Variants in MAU2 observed in about 807,000 individuals in gnomAD.
MAU2 encodes the protein MAU2 chromatid cohesion factor homolog.
MAU2 carries 9 observed loss-of-function variants against 89.1 expected under a neutral mutation model. The observed-to-expected ratio is 0.10, with a 90% CI of 0.06 to 0.18. The LOEUF (loss-of-function observed/expected upper bound fraction) is 0.18. MAU2 is among the 10% of genes least tolerant of loss of function. The pLI, the probability that MAU2 is intolerant of heterozygous loss-of-function variation, is 1.00. For synonymous variants in MAU2, 357 were observed against 343.4 expected (o/e 1.04, Z -0.44); for missense variants, 425 against 803.5 (o/e 0.53, Z 5.69).
At position 19,345,453 on chromosome 19, in the gene MAU2, G is replaced by A. The variant is rs781422615; in HGVS notation, c.1221+84G>A. ...GGCGTGGTCTGTGATGAGGACAGCA[G>A]TCGCGCTAGGTCAGCTATGCAAAGC... On this transcript the variant is annotated intron_variant, in intron 12 of 18. Transcript: ENST00000262815. The surrounding 1 kb of genome is among the most constrained non-coding windows in gnomAD (Gnocchi z 4.9). 13 of 1,319,580 alleles carry A rather than the reference G, an allele frequency of 9.9e-6. No homozygotes were observed. The highest frequency in any genetic ancestry group is 1.4e-5 in the Non-Finnish European group (13 of 924,590). The allele number at this position is 1,319,580 out of a possible 1,614,324, so 81.7% of individuals were successfully genotyped here.
chr19:19,348,640 T>G, intron 13 of MAU2: 1 of 616,996 alleles, frequency 1.6e-6, no homozygotes, highest in South Asian at 1.9e-5. Flanking sequence ...TACAAAGGCC[T>G]TCTGGACGCC....
rs1453154239 is a variant in MAU2 at position 19,342,597 on chromosome 19, G to A, written c.798G>A (p.Leu266=). 2 of 1,612,806 alleles carry A rather than the reference G, an allele frequency of 1.2e-6. No homozygotes were observed. The highest frequency in any genetic ancestry group is 2.7e-5 in the African/African-American group (2 of 74,912). Residue 266 remains leucine (L), a synonymous_variant, in exon 8 of 19, where the codon CTG becomes CTA. Coordinates refer to ENST00000262815, the MANE Select transcript of MAU2 (RefSeq NM_015329.4). ...AGTGCATCCAGACCATCTCCACACT[G>A]CACGATGATGAGATCCTGCCCAGCA... ...LQQCIQTIST[L]HDDEILPSNP...
Position 19,354,039 on chromosome 19 carries a change from T to C in MAU2, c.1549-316T>C. ...ATCTGCATTTCTGATCAGCCCCCAT[T>C]GTGGGTCTAGGGCTAACGGCCATCA... On this transcript the variant is annotated intron_variant, in intron 16 of 18. Transcript: ENST00000262815. 3 of 388,750 alleles carry C rather than the reference T, an allele frequency of 7.7e-6. No homozygotes were observed. In the South Asian group the frequency reaches 7.9e-5, roughly 10 times the overall value. The allele number at this position is 388,750 out of a possible 1,614,324, so 24.1% of individuals were successfully genotyped here.
intron 16 of MAU2, chr19:19,354,030 AG>A: frequency 2.7e-6 from 1 of 373,260 alleles, no homozygotes. Flanking sequence ...ATTTCTGATC[AG>A]CCCCCATTGT....
chr19:19,328,851 C>G (rs919816834), intron 1 of MAU2, among the ~76,000 whole-genome samples: 1 of 152,120 alleles, frequency 6.6e-6, no homozygotes, highest in African/African-American at 2.4e-5. Flanking sequence ...GAAGAACTTA[C>G]TATTTTCTAT....
chr19:19,321,202 C>T, intron 1 of MAU2, 67 bp downstream of exon 1: 1 of 1,422,382 alleles, frequency 7.0e-7, no homozygotes, highest in Non-Finnish European at 9.2e-7. Flanking sequence ...TGACGGGTCG[C>T]GACCGCGGCG....
chr19:19,335,800 C>G (rs2061591480), intron 2 of MAU2, 65 bp downstream of exon 2: 2 of 1,573,194 alleles, frequency 1.3e-6, no homozygotes, highest in African/African-American at 2.7e-5. Flanking sequence ...AAGAATGTAT[C>G]AAAGCTTGAA....
chr19:19,323,033 G>C (rs1183939756), intron 1 of MAU2, among the ~76,000 whole-genome samples: 2 of 151,920 alleles, frequency 1.3e-5, no homozygotes, highest in African/African-American at 4.8e-5. Context: ...TGGGACTACA[G>C]GTGTGCGCCA....
At chr19:19,354,124 TGTGAGGGCATGAGCCAGAA>T in intron 16 of MAU2, 1 of 569,956 alleles carries the variant, frequency 1.8e-6, no homozygotes. Context: ...GCCATGCCCC[TGTGAGGGCATGAGCCAGAA>T]GTGAGGGCAG....
At chr19:19,332,898 G>C (rs1568653485) in intron 1 of MAU2, among the ~76,000 whole-genome samples, 1 of 152,118 alleles carries the variant, frequency 6.6e-6, no homozygotes. Flanking sequence ...CCAACGTAGA[G>C]AAACCCCATC....
intron 10 of MAU2, chr19:19,344,495 T>G (rs1568662590): frequency 5.7e-6 from 2 of 353,646 alleles, no homozygotes; most frequent in Non-Finnish European, 1.1e-5. Context: ...TCTGGGGATT[T>G]GGGGGGTCCT....
chr19:19,342,511 T>TG (rs2061658736), intron 7 of MAU2, 24 bp from the exon 8 acceptor site: 1 of 1,535,726 alleles, frequency 6.5e-7, no homozygotes, highest in African/African-American at 1.4e-5. Flanking sequence ...CTCAGGTGGA[T>TG]GCTCGGGTGT....
chr19:19,349,105 A>AC (rs1395690557), intron 14 of MAU2, 50 bp from the exon 15 acceptor site: 1 of 1,608,586 alleles, frequency 6.2e-7, no homozygotes, highest in East Asian at 2.2e-5. Flanking sequence ...CGTTTTGTAA[A>AC]CCTGCTTCTC....
Position 19,345,132 on chromosome 19 carries a change from T to G in MAU2, c.1156-172T>G. 1 of 726,572 alleles carries G rather than the reference T, an allele frequency of 1.4e-6. No homozygotes were observed. The highest frequency in any genetic ancestry group is 2.4e-6 in the Non-Finnish European group (1 of 425,376). 45.0% of individuals were successfully genotyped at this position (726,572 alleles called of 1,614,324 possible). ...GCATCTTGTCCCACCCCACATTGGC[T>G]TGGGTCTGAAAGGTGGGGACAGTGA... On this transcript the variant is annotated intron_variant, in intron 11 of 18. Coordinates refer to ENST00000262815, the MANE Select transcript of MAU2 (RefSeq NM_015329.4). The surrounding 1 kb of genome is among the most constrained non-coding windows in gnomAD (Gnocchi z 4.9).
intron 14 of MAU2, 107 bp downstream of exon 14, chr19:19,349,045 A>G: frequency 6.4e-7 from 1 of 1,557,032 alleles, no homozygotes; most frequent in Admixed American, 1.7e-5. Context: ...CCCTCCTCAC[A>G]GACAGTCTGC....
chr19:19,348,825 G>A (rs574844520), intron 13 of MAU2, 64 bp from the exon 14 acceptor site: 1 of 1,546,016 alleles, frequency 6.5e-7, no homozygotes, highest in Admixed American at 1.7e-5. Flanking sequence ...GCACTGCAGT[G>A]TGTCTTGGGG....
In MAU2 at chr19:19,345,991, C is replaced by T. The variant is rs2061689908; in HGVS notation, c.1221+622C>T. 6.6e-6 allele frequency among the ~76,000 whole-genome samples: 1 copy of T among 152,158 alleles called. No individual in the cohort carries two copies. Among genetic ancestry groups the T allele is most frequent in the Non-Finnish European group, 1.5e-5 (1 of 68,010 alleles). On this transcript the variant is annotated intron_variant, in intron 12 of 18. Coordinates refer to ENST00000262815, the MANE Select transcript of MAU2 (RefSeq NM_015329.4). The surrounding 1 kb of genome is among the most constrained non-coding windows in gnomAD (Gnocchi z 4.9). Reference sequence around the variant, plus strand: ...TGTGGACACCTTTTTCCTGGTGGTGCCAGGAAGGGCCCTGAGGAGAGGTGT... The same window carrying T: ...TGTGGACACCTTTTTCCTGGTGGTGTCAGGAAGGGCCCTGAGGAGAGGTGT...
Position 19,341,419 on chromosome 19 carries a change from C to G in MAU2, c.735+12C>G, listed in dbSNP as rs776574249. 8 of 1,612,996 alleles carry G rather than the reference C, an allele frequency of 5.0e-6. No homozygotes were observed. Among genetic ancestry groups the G allele is most frequent in the African/African-American group, 2.7e-5 (2 of 74,918 alleles). On this transcript the variant is annotated intron_variant, in intron 7 of 18. Transcript: ENST00000262815. ...TGGATGCCGGGCAGGTGTGTGGCGCCTCTCAGGCGAGCTGCTGGTTGTGAC... is the reference window on the plus strand; with the variant it reads ...TGGATGCCGGGCAGGTGTGTGGCGCGTCTCAGGCGAGCTGCTGGTTGTGAC...
chr19:19,342,712 T>C (rs2965191), intron 8 of MAU2, 31 bp downstream of exon 8: 2 of 1,613,090 alleles, frequency 1.2e-6, no homozygotes. Context: ...GGGCCAGGGC[T>C]GGGGGCGGGG....
Sources: allele counts gnomAD v4.1 joint callset (sites outside exome capture counted in the v4.1 genomes callset), GRCh38; gene constraint gnomAD v4.1.1; non-coding constraint Gnocchi (gnomAD v3.1); transcripts MANE v1.5; gene names NCBI Gene and HGNC (gene_info 2026-07-23, HGNC 2026-07-21).